CEP85L: variants seen among roughly 807,000 people sequenced by gnomAD.
The protein encoded by CEP85L is centrosomal protein 85L.
Under a neutral mutation model 100.3 loss-of-function variants are expected in CEP85L, and 60 were observed. The ratio of observed to expected loss-of-function variants is 0.60; its 90% CI spans 0.49 to 0.74. The LOEUF (loss-of-function observed/expected upper bound fraction) is 0.74. Among genes scored for constraint, CEP85L ranks in the 30% least tolerant of loss-of-function variants. The probability of loss-of-function intolerance (pLI) is 0.00; values close to 1 mark genes in which losing one functional copy is unlikely to be tolerated. For missense variants in CEP85L, 973 were observed against 936.2 expected (o/e 1.04, Z -0.51); for synonymous variants, 319 against 322.7 (o/e 0.99, Z 0.12).
chr6:118,620,280 T>C (rs1014676121), intron 2 of CEP85L, among the ~76,000 whole-genome samples: 1 of 152,104 alleles, frequency 6.6e-6, no homozygotes, highest in African/African-American at 2.4e-5. Context: ...TTTGGAGGCA[T>C]TATTAAACCT....
chr6:118,559,253 T>C lies in CEP85L; in HGVS notation c.1020+6276A>G, dbSNP rs180799194. On this transcript the variant is annotated intron_variant, in intron 3 of 12. Transcript: ENST00000368491. ...TATTGTTACCATATGTATTCATCTG[T>C]TGGATCTTGTAAACATGAAAAGGGC... The C allele has an allele frequency of 9.1e-6, 6 of 662,246 alleles. No individual in the cohort carries two copies. In the East Asian group the frequency reaches 1.1e-4, roughly 12 times the overall value. The allele number at this position is 662,246 out of a possible 1,614,324, so 41.0% of individuals were successfully genotyped here.
chr6:118,700,231 G>A (rs1002240191), intron 1 of CEP85L, among the ~76,000 whole-genome samples: 2 of 152,210 alleles, frequency 1.3e-5, no homozygotes, highest in African/African-American at 4.8e-5. Flanking sequence ...CTAGAGGAAG[G>A]AGACTGTTAG....
At chr6:118,483,996 G>A (rs961192259) in intron 6 of CEP85L, 138 bp from the exon 7 acceptor site, 9 of 716,360 alleles carry the variant, frequency 1.3e-5, no homozygotes, top group Admixed American at 3.0e-5. Context: ...ACTCAATTAA[G>A]ATTTACCTTA....
chr6:118,652,332 A>G, upstream of CEP85L: 1 of 927,160 alleles, frequency 1.1e-6, no homozygotes, highest in Non-Finnish European at 1.3e-6. Flanking sequence ...CTTCACCTGA[A>G]CCCTTAGTGC....
In CEP85L at chr6:118,601,831, G is replaced by A. The variant is rs181656824; in HGVS notation, c.232+30622C>T. On this transcript the variant is annotated intron_variant, in intron 2 of 12. Transcript: ENST00000368491. Reference sequence around the variant, plus strand: ...GTGAGGACAACCAGAGGTAAATCTCGTCGCCATTTTGGTTTTGGTAGGTTT... The same window carrying A: ...GTGAGGACAACCAGAGGTAAATCTCATCGCCATTTTGGTTTTGGTAGGTTT... 6.6e-5 allele frequency among the ~76,000 whole-genome samples: 10 copies of A among 152,236 alleles called. No homozygotes were observed. The East Asian group carries it at 1.9e-3, about 29-fold the overall frequency.
At chr6:118,570,189 G>A (rs1395206470) in intron 2 of CEP85L, among the ~76,000 whole-genome samples, 1 of 152,124 alleles carries the variant, frequency 6.6e-6, no homozygotes, top group African/African-American at 2.4e-5. Context: ...GGCAAAAGGA[G>A]AAAAATACTT....
intron 7 of CEP85L, among the ~76,000 whole-genome samples, 194 bp downstream of exon 7, chr6:118,483,512 T>C (rs1044975900): frequency 2.6e-5 from 4 of 152,124 alleles, no homozygotes; most frequent in African/African-American, 4.8e-5. Context: ...ACAGGATCAA[T>C]AGGAAGGTAA....
chr6:118,646,875 T>C, intron 1 of CEP85L: 2 of 942,420 alleles, frequency 2.1e-6, no homozygotes, highest in Non-Finnish European at 2.5e-6. Context: ...CACATAAATA[T>C]TACAACATGA....
intron 3 of CEP85L, among the ~76,000 whole-genome samples, chr6:118,549,360 C>G (rs948830884): frequency 6.6e-6 from 1 of 151,822 alleles, no homozygotes; most frequent in African/African-American, 2.4e-5. Context: ...GAATTCTACC[C>G]TATTCTTTAT....
At chr6:118,638,917 T>C (rs569158783) in intron 1 of CEP85L, among the ~76,000 whole-genome samples, 2 of 152,198 alleles carry the variant, frequency 1.3e-5, no homozygotes, top group African/African-American at 4.8e-5. Context: ...TTTGAATATA[T>C]ATGTAACTGC....
At chr6:118,703,519 A>G (rs1246809336) in intron 1 of CEP85L, among the ~76,000 whole-genome samples, 2 of 152,236 alleles carry the variant, frequency 1.3e-5, no homozygotes, top group Non-Finnish European at 2.9e-5. Context: ...AACTTTTTCA[A>G]AGAGGAATAA....
rs1030757289 is a variant in CEP85L at position 118,649,383 on chromosome 6, T to C, written c.73+1814A>G. Among the ~76,000 whole-genome samples the C allele has an allele frequency of 5.9e-5, 9 of 152,332 alleles. No homozygotes were observed. The East Asian group carries it at 1.3e-3, about 23-fold the overall frequency. ...CCTCTTCCACTATTATTCTATGCCA[T>C]AGCAAATGTCTCTCTAGAGGCTGCA... is the stretch of plus-strand genomic sequence containing the variant. On this transcript the variant is annotated intron_variant, in intron 1 of 12. Transcript: ENST00000368491.
At chr6:118,502,062 T>C in intron 5 of CEP85L, 1 of 843,610 alleles carries the variant, frequency 1.2e-6, no homozygotes. Flanking sequence ...GACTTCCCCA[T>C]CCTGTGGATC....
chr6:118,653,282 C>T (rs950887438), upstream of CEP85L, among the ~76,000 whole-genome samples: 15 of 152,170 alleles, frequency 9.9e-5, no homozygotes, highest in South Asian at 2.1e-4. Context: ...ACAGTAAAAA[C>T]ATGTTGCTCT....
rs888719226 is a variant in CEP85L, at chr6:118,475,360, T to C, written c.1914+4511A>G. Reference sequence around the variant, plus strand: ...ATTGTAGGTGACATTTTTTTTTTTTTTTTTTTTTTTTTGAGACGAGTCTCG... The same window carrying C: ...ATTGTAGGTGACATTTTTTTTTTTTCTTTTTTTTTTTTGAGACGAGTCTCG... On this transcript the variant is annotated intron_variant, in intron 10 of 12. Coordinates refer to ENST00000368491, the MANE Select transcript of CEP85L (RefSeq NM_001042475.3). Among the ~76,000 whole-genome samples, 4 of 147,900 alleles carry C rather than the reference T, an allele frequency of 2.7e-5. 1 individual carries two copies. The South Asian group carries it at 8.9e-4, about 33-fold the overall frequency.
At chr6:118,502,718 C>G in intron 5 of CEP85L, 1 of 490,290 alleles carries the variant, frequency 2.0e-6, no homozygotes, top group Non-Finnish European at 3.8e-6. Context: ...TCTCTTGGAT[C>G]CCTCATACAA....
chr6:118,626,419 A>G (rs1773799262), intron 2 of CEP85L, among the ~76,000 whole-genome samples: 1 of 152,112 alleles, frequency 6.6e-6, no homozygotes, highest in South Asian at 2.1e-4. Context: ...CCTTATGAAC[A>G]TAGTTCGTTA....
intron 2 of CEP85L, among the ~76,000 whole-genome samples, chr6:118,617,632 G>A (rs1773154859): frequency 6.6e-6 from 1 of 152,164 alleles, no homozygotes; most frequent in South Asian, 2.1e-4. Context: ...GCTAGCAGTG[G>A]CAACCCATTC....
At chr6:118,550,043 TA>T (rs545006735) in intron 3 of CEP85L, among the ~76,000 whole-genome samples, 2 of 151,802 alleles carry the variant, frequency 1.3e-5, no homozygotes, top group African/African-American at 4.8e-5. Flanking sequence ...AAGTAAGTGC[TA>T]AAAAAAGTGT....
Sources: gnomAD v4.1 joint callset for allele counts (sites outside exome capture counted in the v4.1 genomes callset) on GRCh38, gnomAD v4.1.1 for gene constraint, MANE v1.5 for transcripts, NCBI Gene and HGNC (gene_info 2026-07-23, HGNC 2026-07-21) for gene names.